THRB: variants seen among roughly 807,000 people sequenced by gnomAD.
THRB encodes the protein thyroid hormone receptor beta.
Under a neutral mutation model 47.8 loss-of-function variants are expected in THRB, and 12 were observed. That is an observed-to-expected ratio of 0.25 (90% confidence interval 0.16 to 0.41). The LOEUF (loss-of-function observed/expected upper bound fraction) is 0.41, where lower values mean the gene tolerates loss of function less well. Among genes scored for constraint, THRB ranks in the 10% least tolerant of loss-of-function variants. The pLI is 1.00. For missense variants in THRB, 348 were observed against 589.2 expected (o/e 0.59, Z 4.24); for synonymous variants, 218 against 212.2 (o/e 1.03, Z -0.24).
intron 4 of THRB, among the ~76,000 whole-genome samples, chr3:24,217,942 A>G (rs1313305964): frequency 6.6e-6 from 1 of 152,168 alleles, no homozygotes; most frequent in East Asian, 1.9e-4. Context: ...GTTTGCTTCA[A>G]ATCTTATGTT....
chr3:24,131,887 C>T (rs1194851303), intron 9 of THRB, among the ~76,000 whole-genome samples: 2 of 152,212 alleles, frequency 1.3e-5, no homozygotes, highest in African/African-American at 4.8e-5. Context: ...AACTAAGACA[C>T]CTGGCCCCCA....
intron 4 of THRB, among the ~76,000 whole-genome samples, chr3:24,196,597 C>T (rs1373428454): frequency 6.6e-6 from 1 of 151,978 alleles, no homozygotes; most frequent in Non-Finnish European, 1.5e-5. Flanking sequence ...TCCCCCCACC[C>T]CAAAAAAAAG....
chr3:24,429,627 A>G lies in THRB; in HGVS notation c.-261+65025T>C, dbSNP rs144815413. On this transcript the variant is annotated intron_variant, in intron 1 of 10. Transcript: ENST00000646209. ...AGATAGTTGACATAATCATGTTTCA[A>G]AATGAATCTGAACAAATGGGCAAAA... is the stretch of plus-strand genomic sequence containing the variant. Among the ~76,000 whole-genome samples the G allele has an allele frequency of 4.0e-3, 609 of 152,214 alleles. 3 individuals are homozygous for G. The highest frequency in any genetic ancestry group is 0.014 in the African/African-American group (572 of 41,552).
chr3:24,232,252 G>A (rs1162223996), intron 3 of THRB, among the ~76,000 whole-genome samples: 1 of 152,206 alleles, frequency 6.6e-6, no homozygotes, highest in East Asian at 1.9e-4. Flanking sequence ...TTATCGCGAG[G>A]CCTTGGTTGA....
At chr3:24,437,574 C>T (rs1402336390) in intron 1 of THRB, among the ~76,000 whole-genome samples, 4 of 152,088 alleles carry the variant, frequency 2.6e-5, no homozygotes, top group Non-Finnish European at 4.4e-5. Flanking sequence ...AATGGATATA[C>T]TAATCACCCT....
At position 24,197,728 on chromosome 3, in the gene THRB, T is replaced by G. The variant is rs564726320; in HGVS notation, c.23-7394A>C. Among the ~76,000 whole-genome samples the G allele has an allele frequency of 8.5e-5, 13 of 152,364 alleles. No individual in the cohort carries two copies. In the South Asian group the frequency reaches 2.7e-3, roughly 32 times the overall value. On this transcript the variant is annotated intron_variant, in intron 4 of 10. Coordinates refer to ENST00000646209, the MANE Select transcript of THRB (RefSeq NM_001354712.2). The stretch of plus-strand genomic sequence containing the variant: ...AATTTCTATTTACTGAGCAATAATG[T>G]GCTCTATGCAAGGCAGAGTCAGCCA...
rs547414895 is a variant in THRB at position 24,298,849 on chromosome 3, C to G, written c.-188-1478G>C. ...CTCTAGACATGATTATGGATTGTGA[C>G]TCATTTGATTGTTTTTTAAAAATTC... is the stretch of plus-strand genomic sequence containing the variant. On this transcript the variant is annotated intron_variant, in intron 2 of 10. Coordinates refer to ENST00000646209, the MANE Select transcript of THRB (RefSeq NM_001354712.2). 3.9e-5 allele frequency among the ~76,000 whole-genome samples: 6 copies of G among 152,262 alleles called. No homozygotes were observed. The South Asian group carries it at 1.2e-3, about 32-fold the overall frequency.
intron 1 of THRB, among the ~76,000 whole-genome samples, chr3:24,471,506 C>T (rs2074568576): frequency 6.6e-6 from 1 of 152,126 alleles, no homozygotes; most frequent in Non-Finnish European, 1.5e-5. Flanking sequence ...TTTTTCAGGC[C>T]TTCTTGATTT....
chr3:24,158,949 T>G (rs181010517), intron 5 of THRB, among the ~76,000 whole-genome samples: 2 of 152,054 alleles, frequency 1.3e-5, no homozygotes, highest in East Asian at 3.9e-4. Flanking sequence ...CGGCATGAAT[T>G]AGAAAGCAGG....
chr3:24,203,216 C>A (rs983188378), intron 4 of THRB, among the ~76,000 whole-genome samples: 1 of 152,112 alleles, frequency 6.6e-6, no homozygotes, highest in Middle Eastern at 3.2e-3. Context: ...AGTCCAAAAC[C>A]AACCTGGGCA....
chr3:24,193,239 T>G (rs2043562862), intron 4 of THRB, among the ~76,000 whole-genome samples: 1 of 152,174 alleles, frequency 6.6e-6, no homozygotes, highest in Non-Finnish European at 1.5e-5. Context: ...TTTAGGGAGA[T>G]TAACATCCCA....
chr3:24,320,050 CT>C (rs1472944123), intron 2 of THRB, among the ~76,000 whole-genome samples: 1 of 152,214 alleles, frequency 6.6e-6, no homozygotes, highest in Non-Finnish European at 1.5e-5. Flanking sequence ...AGAGGCCCTT[CT>C]CAGTCATATA....
At chr3:24,173,572 A>T (rs554749206) in intron 5 of THRB, among the ~76,000 whole-genome samples, 1 of 152,242 alleles carries the variant, frequency 6.6e-6, no homozygotes, top group South Asian at 2.1e-4. Context: ...ACAACAGCAC[A>T]AGCTCTCTGC....
chr3:24,170,520 A>G (rs2040290969), intron 5 of THRB, among the ~76,000 whole-genome samples: 1 of 152,190 alleles, frequency 6.6e-6, no homozygotes, highest in Non-Finnish European at 1.5e-5. Flanking sequence ...ACCTCTACCA[A>G]AAGGTGGTCC....
chr3:24,307,199 T>C (rs768471262), intron 2 of THRB, among the ~76,000 whole-genome samples: 3 of 152,130 alleles, frequency 2.0e-5, no homozygotes, highest in Non-Finnish European at 4.4e-5. Context: ...TCTGAAACCA[T>C]GAATTAGTTT....
At chr3:24,372,442 C>T (rs1184064874) in intron 1 of THRB, among the ~76,000 whole-genome samples, 1 of 151,996 alleles carries the variant, frequency 6.6e-6, no homozygotes, top group Admixed American at 6.6e-5. Context: ...GGATGCCTTA[C>T]GTGTATAAGC....
intron 1 of THRB, among the ~76,000 whole-genome samples, chr3:24,407,408 A>G (rs2067915054): frequency 6.6e-6 from 1 of 151,684 alleles, no homozygotes; most frequent in South Asian, 2.1e-4. Flanking sequence ...TCCCAAACAT[A>G]TTTTCAGGGG....
At chr3:24,382,535 C>T (rs1435723792) in intron 1 of THRB, among the ~76,000 whole-genome samples, 3 of 131,510 alleles carry the variant, frequency 2.3e-5, no homozygotes, top group Non-Finnish European at 3.2e-5. Context: ...ACATTTGTAC[C>T]ATGAAACACA....
At chr3:24,402,384 T>C (rs1046947820) in intron 1 of THRB, among the ~76,000 whole-genome samples, 2 of 151,934 alleles carry the variant, frequency 1.3e-5, no homozygotes, top group African/African-American at 4.8e-5. Context: ...TGCCACAAGC[T>C]CTCTAATGCA....
Sources: gnomAD v4.1 joint callset for allele counts (sites outside exome capture counted in the v4.1 genomes callset) on GRCh38, gnomAD v4.1.1 for gene constraint, MANE v1.5 for transcripts, NCBI Gene and HGNC (gene_info 2026-07-23, HGNC 2026-07-21) for gene names.